Variants in OPCML observed in about 807,000 individuals in gnomAD.
OPCML encodes the protein opioid-binding protein/cell adhesion molecule.
OPCML carries 13 observed loss-of-function variants against 37.8 expected under a neutral mutation model. The observed-to-expected ratio is 0.34, with a 90% CI of 0.22 to 0.55. The LOEUF is 0.55. Ranked by LOEUF, OPCML falls within the 20% of genes least tolerant of loss-of-function variation. OPCML has a pLI of 0.91. For synonymous variants in OPCML, 176 were observed against 168.8 expected (o/e 1.04, Z -0.33); for missense variants, 341 against 435.6 (o/e 0.78, Z 1.93).
At chr11:133,428,590 A>G (rs1378038788) in intron 1 of OPCML, among the ~76,000 whole-genome samples, 19 of 152,244 alleles carry the variant, frequency 1.2e-4, no homozygotes. Context: ...AGCAGGAAAA[A>G]AAGCATAGAC....
chr11:132,883,583 G>C (rs576152287), intron 2 of OPCML, among the ~76,000 whole-genome samples: 1 of 152,242 alleles, frequency 6.6e-6, no homozygotes, highest in Non-Finnish European at 1.5e-5. Context: ...TTTAGGTTAG[G>C]ATGACATACA....
intron 1 of OPCML, among the ~76,000 whole-genome samples, chr11:132,981,949 C>T (rs1398190456): frequency 2.0e-5 from 3 of 152,206 alleles, no homozygotes; most frequent in South Asian, 2.1e-4. Flanking sequence ...TATTTGTGTC[C>T]GTCACATATC....
chr11:133,160,697 A>G (rs527894975), intron 1 of OPCML, among the ~76,000 whole-genome samples: 1 of 152,110 alleles, frequency 6.6e-6, no homozygotes, highest in Non-Finnish European at 1.5e-5. Context: ...ATCTCTGTGG[A>G]CTGAGAGCCT....
At chr11:133,102,548 A>T (rs977274972) in intron 1 of OPCML, among the ~76,000 whole-genome samples, 25 of 152,120 alleles carry the variant, frequency 1.6e-4, no homozygotes, top group Non-Finnish European at 3.2e-4. Context: ...GGAGATCAAG[A>T]CCATCCTAGC....
At chr11:132,425,832 A>T (rs2095976143) in intron 7 of OPCML, among the ~76,000 whole-genome samples, 1 of 152,242 alleles carries the variant, frequency 6.6e-6, no homozygotes, top group African/African-American at 2.4e-5. Context: ...ATTCTGAGGA[A>T]GCGTATTCAG....
intron 4 of OPCML, among the ~76,000 whole-genome samples, chr11:132,465,822 T>A (rs1055848667): frequency 7.9e-5 from 12 of 152,180 alleles, no homozygotes; most frequent in Non-Finnish European, 1.6e-4. Context: ...TGTTTAACTC[T>A]TTTTGGAATT....
intron 3 of OPCML, among the ~76,000 whole-genome samples, chr11:132,574,742 T>C (rs1252375071): frequency 3.9e-5 from 6 of 151,992 alleles, no homozygotes; most frequent in African/African-American, 1.4e-4. Flanking sequence ...CTACTGTTGT[T>C]GGATGGAATG....
At chr11:133,399,688 A>G (rs1945359968) in intron 1 of OPCML, among the ~76,000 whole-genome samples, 2 of 152,090 alleles carry the variant, frequency 1.3e-5, no homozygotes, top group African/African-American at 4.8e-5. Flanking sequence ...TTCTCCCTAC[A>G]AATTTAATTT....
intron 2 of OPCML, among the ~76,000 whole-genome samples, chr11:132,695,413 G>A (rs1943566242): frequency 6.6e-6 from 1 of 152,180 alleles, no homozygotes; most frequent in African/African-American, 2.4e-5. Context: ...GCAGTATTAT[G>A]GCAATGTGCA....
Position 132,454,049 on chromosome 11 carries a change from A to C in OPCML, c.506-16690T>G, listed in dbSNP as rs765548120. Reference sequence around the variant, plus strand: ...AGTTTGTCACTTCTATATGATTAGCAAGGGAAGATGCCTACTATGTGCACA... The same window carrying C: ...AGTTTGTCACTTCTATATGATTAGCCAGGGAAGATGCCTACTATGTGCACA... On this transcript the variant is annotated intron_variant, in intron 4 of 7. Coordinates refer to ENST00000524381, the MANE Select transcript of OPCML (RefSeq NM_001012393.5). Among the ~76,000 whole-genome samples, 107 of 152,184 alleles carry C rather than the reference A, an allele frequency of 7.0e-4. 1 individual carries two copies. Among genetic ancestry groups the C allele is most frequent in the Non-Finnish European group, 1.5e-3 (99 of 68,024 alleles).
At chr11:132,473,407 G>C (rs1183818054) in intron 4 of OPCML, among the ~76,000 whole-genome samples, 1 of 152,164 alleles carries the variant, frequency 6.6e-6, no homozygotes, top group Non-Finnish European at 1.5e-5. Context: ...AAATATGAAA[G>C]AGTGATCACT....
intron 2 of OPCML, among the ~76,000 whole-genome samples, chr11:132,673,714 C>T (rs1203569307): frequency 6.6e-6 from 1 of 152,092 alleles, no homozygotes; most frequent in Non-Finnish European, 1.5e-5. Flanking sequence ...TATCTGTAAC[C>T]ATTTAGAACT....
chr11:133,005,372 C>T (rs570431165), intron 1 of OPCML: 8 of 985,362 alleles, frequency 8.1e-6, no homozygotes, highest in East Asian at 2.3e-4. Context: ...CAGCAAATGC[C>T]GTTTCTCAGA....
chr11:132,489,975 A>G (rs1025657299), intron 4 of OPCML, among the ~76,000 whole-genome samples: 4 of 152,118 alleles, frequency 2.6e-5, no homozygotes, highest in African/African-American at 9.7e-5. Context: ...TTTGCTGAGA[A>G]TGATGGTTTC....
At chr11:132,549,704 T>C (rs1208752287) in intron 3 of OPCML, among the ~76,000 whole-genome samples, 1 of 152,180 alleles carries the variant, frequency 6.6e-6, no homozygotes, top group African/African-American at 2.4e-5. Flanking sequence ...ATCAGCCAAG[T>C]GTACTGTAAG....
At chr11:133,004,349 G>C in intron 1 of OPCML, 2 of 985,444 alleles carry the variant, frequency 2.0e-6, no homozygotes, top group South Asian at 9.4e-5. Context: ...TTCCTGTAGT[G>C]TTGATGTTTT....
chr11:132,837,716 G>C (rs1242378375), intron 2 of OPCML, among the ~76,000 whole-genome samples: 2 of 152,214 alleles, frequency 1.3e-5, no homozygotes, highest in Non-Finnish European at 2.9e-5. Context: ...CAGAGGAGAT[G>C]ACTCCAGTGC....
In OPCML at chr11:133,489,305, T is replaced by TA. The variant is rs542297281; in HGVS notation, c.61+42958dup. On this transcript the variant is annotated intron_variant, in intron 1 of 7. Coordinates refer to ENST00000524381, the MANE Select transcript of OPCML (RefSeq NM_001012393.5). ...TCAACAGACCACCTAAAGAACGGTT[T>TA]AAAAAAAAAAACTGTAAACTATGCA... Among the ~76,000 whole-genome samples the TA allele has an allele frequency of 5.1e-3, 746 of 144,990 alleles. 4 individuals carry two copies. The highest frequency in any genetic ancestry group is 7.3e-3 in the Non-Finnish European group (480 of 65,512).
At position 133,381,196 on chromosome 11, in the gene OPCML, G is replaced by C. The variant is rs574063263; in HGVS notation, c.61+151068C>G. Among the ~76,000 whole-genome samples the C allele has an allele frequency of 3.3e-4, 50 of 152,312 alleles. No individual in the cohort carries two copies. The South Asian group carries it at 8.7e-3, about 27-fold the overall frequency. ...TAGTTGGATAAGGAGGTAGGCACTG[G>C]AAGACTTTGCAGTGATGCAAAAGAG... On this transcript the variant is annotated intron_variant, in intron 1 of 7. Coordinates refer to ENST00000524381, the MANE Select transcript of OPCML (RefSeq NM_001012393.5).
Sources: gnomAD v4.1 joint callset for allele counts (sites outside exome capture counted in the v4.1 genomes callset) on GRCh38, gnomAD v4.1.1 for gene constraint, MANE v1.5 for transcripts, NCBI Gene and HGNC (gene_info 2026-07-23, HGNC 2026-07-21) for gene names.